Variants in DACT3 observed in about 807,000 individuals in gnomAD.
The protein encoded by DACT3 is dishevelled binding antagonist of beta catenin 3, also known as dapper homolog 3.
A neutral mutation model predicts 19.6 loss-of-function variants in DACT3; 5 were observed. The ratio of observed to expected loss-of-function variants is 0.26; its 90% CI spans 0.13 to 0.54. The LOEUF (loss-of-function observed/expected upper bound fraction) is 0.54. Ranked by LOEUF, DACT3 falls within the 20% of genes least tolerant of loss-of-function variation. The pLI is 0.95. For missense variants in DACT3, 908 were observed against 927.4 expected (o/e 0.98, Z 0.27); for synonymous variants, 454 against 428.1 (o/e 1.06, Z -0.75).
intron 1 of DACT3, among the ~76,000 whole-genome samples, chr19:46,657,353 T>C (rs1308773968): frequency 1.5e-5 from 2 of 134,552 alleles, no homozygotes; most frequent in Non-Finnish European, 3.2e-5. Flanking sequence ...TTTCTTTTTT[T>C]TTTTTTTTTT....
At chr19:46,655,698 G>A (rs12462946) in intron 1 of DACT3, among the ~76,000 whole-genome samples, 112,539 of 152,026 alleles carry the variant, frequency 0.74, 42,448 homozygotes, top group African/African-American at 0.9. Context: ...CTAGGAACGC[G>A]GAGATTTGTC....
Position 46,649,703 on chromosome 19 carries a change from G to A in DACT3, c.669C>T (p.Ala223=), listed in dbSNP as rs1353749462. Residue 223 remains alanine (A), a synonymous_variant, in exon 4 of 4, where the codon GCC becomes GCT. Transcript: ENST00000391916. Reference sequence around the variant, plus strand: ...AGGGCCGCGGGCTGCGCATCGCCACGGCGTGCAGGGGGCTGGGCGTCAGAA... The same window carrying A: ...AGGGCCGCGGGCTGCGCATCGCCACAGCGTGCAGGGGGCTGGGCGTCAGAA... ...GPFLTPSPLH[A]VAMRSPRPCG... The A allele has an allele frequency of 1.3e-5, 16 of 1,201,648 alleles. No homozygotes were observed. The highest frequency in any genetic ancestry group is 1.6e-5 in the African/African-American group (1 of 62,638). The allele number at this position is 1,201,648 out of a possible 1,614,324, so 74.4% of individuals were successfully genotyped here. A position where few individuals can be genotyped will look rare whatever the true frequency, so the allele number is the denominator to read the frequency against.
chr19:46,661,099 C>T lies in DACT3; in HGVS notation c.-35G>A. On this transcript the variant is annotated 5_prime_UTR_variant, in exon 1 of 4. Coordinates refer to ENST00000391916, the MANE Select transcript of DACT3 (RefSeq NM_145056.3). ...CCCCCGCCCCAGCCCGGCCGGGCCCCGCGGCCACCCCTCTCCCGGTCCCAC... is the reference window on the plus strand; with the variant it reads ...CCCCCGCCCCAGCCCGGCCGGGCCCTGCGGCCACCCCTCTCCCGGTCCCAC... 1.4e-6 allele frequency: 2 copies of T among 1,392,344 alleles called. No individual in the cohort carries two copies. Among genetic ancestry groups the T allele is most frequent in the African/African-American group, 1.5e-5 (1 of 66,144 alleles). 86.2% of individuals were successfully genotyped at this position (1,392,344 alleles called of 1,614,324 possible).
Position 46,660,879 on chromosome 19 carries a change from G to T in DACT3, c.186C>A (p.Asp62Glu), listed in dbSNP as rs751017138. 5 of 1,532,384 alleles carry T rather than the reference G, an allele frequency of 3.3e-6. No homozygotes were observed. Among genetic ancestry groups the T allele is most frequent in the Non-Finnish European group, 4.4e-6 (5 of 1,144,298 alleles). The allele number at this position is 1,532,384 out of a possible 1,614,324, so 94.9% of individuals were successfully genotyped here. A position where few individuals can be genotyped will look rare whatever the true frequency, so the allele number is the denominator to read the frequency against. ...CCGCCGCATCTTCATCCTCATCGGCGTCCTCCTCGTCCTCGGCCTCGGCGC... is the reference window on the plus strand; with the variant it reads ...CCGCCGCATCTTCATCCTCATCGGCTTCCTCCTCGTCCTCGGCCTCGGCGC... Reference protein sequence around the residue: ...MGGAEAEDEEDADEDEDAAAA... With the variant: ...MGGAEAEDEEEADEDEDAAAA... Residue 62 changes from aspartate (D) to glutamate (E), a missense_variant, in exon 1 of 4, where the codon GAC (aspartate) becomes GAA (glutamate). Transcript: ENST00000391916. The surrounding 1 kb of genome is among the most constrained non-coding windows in gnomAD (Gnocchi z 4.9).
chr19:46,649,380 T>A lies in DACT3; in HGVS notation c.992A>T (p.Glu331Val). ...CGGCGCAGCGGGCTCGGGTGCCGCC[T>A]CCGACTCCCACGACGACGCCCAGGC... The part of the protein sequence containing the change: ...SRAWASSWES[E>V]AAPEPAAPPA... The change falls in exon 4 of 4, where the codon GAG becomes GTG. Residue 331 changes from glutamate to valine, a missense_variant. Glu to Val is a moderately radical substitution (Grantham distance 121). Transcript: ENST00000391916. The A allele has an allele frequency of 7.8e-7, 1 of 1,279,190 alleles. No individual in the cohort carries two copies. The highest frequency in any genetic ancestry group is 1.9e-5 in the South Asian group (1 of 52,110). 79.2% of individuals were successfully genotyped at this position (1,279,190 alleles called of 1,614,324 possible).
intron 1 of DACT3, among the ~76,000 whole-genome samples, chr19:46,658,263 T>C (rs1480988987): frequency 1.3e-5 from 2 of 148,816 alleles, no homozygotes; most frequent in Non-Finnish European, 3.0e-5. Flanking sequence ...AATGTGGCGG[T>C]GTGCACCTGT....
intron 3 of DACT3, chr19:46,651,688 GT>G (rs1348551466): frequency 4.1e-5 from 6 of 147,912 alleles, no homozygotes; most frequent in Middle Eastern, 3.4e-3. Flanking sequence ...GTGTGTGTGT[GT>G]GTGGTTGGTG....
At chr19:46,655,236 A>G (rs1214197929) in intron 1 of DACT3, among the ~76,000 whole-genome samples, 2 of 152,082 alleles carry the variant, frequency 1.3e-5, no homozygotes, top group Admixed American at 1.3e-4. Flanking sequence ...CACCTTTCCA[A>G]AATAGCTCCC....
In DACT3 at chr19:46,649,621, C is replaced by T; in HGVS notation, c.751G>A (p.Gly251Ser). ...DAGGAGRPLD[G>S]YISALLRRRR... ...CTGCGCAGGAGCGCCGAGATGTAGCCGTCCAGGGGCCGCCCTGCGCCCCCC... is the reference window on the plus strand; with the variant it reads ...CTGCGCAGGAGCGCCGAGATGTAGCTGTCCAGGGGCCGCCCTGCGCCCCCC... The change falls in exon 4 of 4, where the codon GGC (glycine) becomes AGC (serine). Residue 251 changes from glycine to serine, a missense_variant. Coordinates refer to ENST00000391916, the MANE Select transcript of DACT3 (RefSeq NM_145056.3). 1 of 1,127,842 alleles carries T rather than the reference C, an allele frequency of 8.9e-7. No homozygotes were observed. 69.9% of individuals were successfully genotyped at this position (1,127,842 alleles called of 1,614,324 possible). A position where few individuals can be genotyped will look rare whatever the true frequency, so the allele number is the denominator to read the frequency against.
intron 2 of DACT3, 77 bp from the exon 3 acceptor site, chr19:46,652,889 C>G: frequency 5.2e-6 from 8 of 1,539,456 alleles, no homozygotes; most frequent in Non-Finnish European, 7.0e-6. Flanking sequence ...GAGGAGATGG[C>G]GTGGGGAGAG....
Position 46,660,717 on chromosome 19 carries a change from C to T in DACT3, c.249+99G>A, listed in dbSNP as rs1041657352. On this transcript the variant is annotated intron_variant, in intron 1 of 3. Coordinates refer to ENST00000391916, the MANE Select transcript of DACT3 (RefSeq NM_145056.3). This position sits in a 1 kb window ranked among gnomAD's most constrained non-coding sequence, Gnocchi z 4.9. ...CCCCCTGTCCTTTCTCACTCCCTGC[C>T]TACCCGGGTCCCCAACCCCCGCCCG... 2.1e-6 allele frequency: 3 copies of T among 1,400,736 alleles called. No homozygotes were observed. In the African/African-American group the frequency reaches 4.5e-5, roughly 21 times the overall value. The allele number at this position is 1,400,736 out of a possible 1,614,324, so 86.8% of individuals were successfully genotyped here.
chr19:46,653,665 C>T (rs1170480377), intron 1 of DACT3, among the ~76,000 whole-genome samples: 1 of 151,864 alleles, frequency 6.6e-6, no homozygotes, highest in Non-Finnish European at 1.5e-5. Flanking sequence ...GCAATTCACC[C>T]ACCTCAGCCT....
Position 46,649,614 on chromosome 19 carries a change from A to G in DACT3, c.758T>C (p.Ile253Thr). The change falls in exon 4 of 4, where the codon ATC (isoleucine) becomes ACC (threonine). Residue 253 changes from isoleucine to threonine, a missense_variant. Ile to Thr is a moderately conservative substitution (Grantham distance 89). Coordinates refer to ENST00000391916, the MANE Select transcript of DACT3 (RefSeq NM_145056.3). Reference sequence around the variant, plus strand: ...GCGGCGCCTGCGCAGGAGCGCCGAGATGTAGCCGTCCAGGGGCCGCCCTGC... The same window carrying G: ...GCGGCGCCTGCGCAGGAGCGCCGAGGTGTAGCCGTCCAGGGGCCGCCCTGC... ...GGAGRPLDGY[I>T]SALLRRRRRR... The G allele has an allele frequency of 8.8e-7, 1 of 1,136,050 alleles. No individual in the cohort carries two copies. The highest frequency in any genetic ancestry group is 1.1e-6 in the Non-Finnish European group (1 of 923,978). The allele number at this position is 1,136,050 out of a possible 1,614,324, so 70.4% of individuals were successfully genotyped here.
Position 46,648,338 on chromosome 19 carries a change from A to C in DACT3, c.*144T>G. 1 of 1,376,858 alleles carries C rather than the reference A, an allele frequency of 7.3e-7. No individual in the cohort carries two copies. The highest frequency in any genetic ancestry group is 9.9e-7 in the Non-Finnish European group (1 of 1,008,764). 85.3% of individuals were successfully genotyped at this position (1,376,858 alleles called of 1,614,324 possible). A position where few individuals can be genotyped will look rare whatever the true frequency, so the allele number is the denominator to read the frequency against. On this transcript the variant is annotated 3_prime_UTR_variant, in exon 4 of 4. Coordinates refer to ENST00000391916, the MANE Select transcript of DACT3 (RefSeq NM_145056.3). The surrounding 1 kb of genome is among the most constrained non-coding windows in gnomAD (Gnocchi z 5.1). ...GGTGGTGGGGGAGCCTTTTCAACCA[A>C]GACTGTTAGGAGTGGGGAGAGTGAG... is the stretch of plus-strand genomic sequence containing the variant.
In DACT3 at chr19:46,649,064, C is replaced by A; in HGVS notation, c.1308G>T (p.Ala436=). ...SETSLLGRAS[A]VPSGPPKYPT... ...GGTACTTAGGGGGCCCCGAAGGGAC[C>A]GCGGAGGCGCGGCCCAGCAGGCTGG... The change falls in exon 4 of 4, where the codon GCG becomes GCT. Residue 436 remains alanine, a synonymous_variant. Coordinates refer to ENST00000391916, the MANE Select transcript of DACT3 (RefSeq NM_145056.3). The A allele has an allele frequency of 7.7e-7, 1 of 1,290,376 alleles. No homozygotes were observed. Among genetic ancestry groups the A allele is most frequent in the Non-Finnish European group, 9.8e-7 (1 of 1,021,382 alleles). 79.9% of individuals were successfully genotyped at this position (1,290,376 alleles called of 1,614,324 possible).
Position 46,649,121 on chromosome 19 carries a change from C to T in DACT3, c.1251G>A (p.Arg417=). The T allele has an allele frequency of 3.1e-6, 4 of 1,279,806 alleles. No individual in the cohort carries two copies. Among genetic ancestry groups the T allele is most frequent in the Non-Finnish European group, 3.0e-6 (3 of 1,015,220 alleles). The allele number at this position is 1,279,806 out of a possible 1,614,324, so 79.3% of individuals were successfully genotyped here. ...AEASGRRGSP[R]ARKASRSQSE... ...ACTGGGAGCGCGAGGCCTTGCGGGC[C>T]CTGGGCGAGCCGCGGCGGCCCGAAG... Residue 417 remains arginine, a synonymous_variant, in exon 4 of 4, where the codon AGG becomes AGA. Coordinates refer to ENST00000391916, the MANE Select transcript of DACT3 (RefSeq NM_145056.3).
At chr19:46,655,861 C>T (rs887439363) in intron 1 of DACT3, among the ~76,000 whole-genome samples, 2 of 148,752 alleles carry the variant, frequency 1.3e-5, no homozygotes, top group African/African-American at 2.5e-5. Context: ...CGCTGGAGGC[C>T]GAGAGTTCAA....
chr19:46,649,818 C>G lies in DACT3; in HGVS notation c.554G>C (p.Arg185Pro), dbSNP rs1193558703. The G allele has an allele frequency of 2.8e-5, 40 of 1,424,404 alleles. No individual in the cohort carries two copies. Among genetic ancestry groups the G allele is most frequent in the Non-Finnish European group, 3.7e-5 (40 of 1,095,230 alleles). 88.2% of individuals were successfully genotyped at this position (1,424,404 alleles called of 1,614,324 possible). A position where few individuals can be genotyped will look rare whatever the true frequency, so the allele number is the denominator to read the frequency against. ...EVVGARAAVPRSFSAPYPTAG... is the reference protein window; with the variant it reads ...EVVGARAAVPPSFSAPYPTAG... Reference sequence around the variant, plus strand: ...CGTCGGGTAGGGCGCTGAGAAGGACCGCGGCACCGCTGCCCGCGCGCCCAC... The same window carrying G: ...CGTCGGGTAGGGCGCTGAGAAGGACGGCGGCACCGCTGCCCGCGCGCCCAC... Residue 185 changes from arginine (R) to proline (P), a missense_variant, in exon 4 of 4, where the codon CGG (arginine) becomes CCG (proline). Coordinates refer to ENST00000391916, the MANE Select transcript of DACT3 (RefSeq NM_145056.3).
rs574677468 is a variant in DACT3, at chr19:46,654,681, G to A, written c.250-1606C>T. The A allele has an allele frequency of 2.5e-3, 2,477 of 985,334 alleles. 8 individuals carry two copies. Among genetic ancestry groups the A allele is most frequent in the Non-Finnish European group, 2.8e-3 (2,312 of 829,950 alleles). The allele number at this position is 985,334 out of a possible 1,614,324, so 61.0% of individuals were successfully genotyped here. ...AGGCCGGGTAGCAGCAGGCAGCCTC[G>A]GGCTGACGGTTGACCCTCAGACAAA... is the stretch of plus-strand genomic sequence containing the variant. On this transcript the variant is annotated intron_variant, in intron 1 of 3. Coordinates refer to ENST00000391916, the MANE Select transcript of DACT3 (RefSeq NM_145056.3).
Sources: allele counts gnomAD v4.1 joint callset (sites outside exome capture counted in the v4.1 genomes callset), GRCh38; gene constraint gnomAD v4.1.1; non-coding constraint Gnocchi (gnomAD v3.1); transcripts MANE v1.5; gene names NCBI Gene and HGNC (gene_info 2026-07-23, HGNC 2026-07-21).